PAIP2B: variants seen among roughly 807,000 people sequenced by gnomAD.
PAIP2B encodes polyadenylate-binding protein-interacting protein 2B.
In PAIP2B, 13 loss-of-function variants were observed where a neutral mutation model predicts 17.0. The observed-to-expected ratio is 0.76, with a 90% CI of 0.50 to 1.22. The LOEUF (loss-of-function observed/expected upper bound fraction) is 1.22. Among genes scored for constraint, PAIP2B ranks in the 50% most tolerant of loss-of-function variants. The pLI, the probability that PAIP2B is intolerant of heterozygous loss-of-function variation, is 0.00. For synonymous variants in PAIP2B, 43 were observed against 48.7 expected (o/e 0.88, Z 0.48); for missense variants, 117 against 144.5 (o/e 0.81, Z 0.98).
At chr2:71,208,643 T>A (rs555040684) in intron 1 of PAIP2B, among the ~76,000 whole-genome samples, 3 of 152,204 alleles carry the variant, frequency 2.0e-5, no homozygotes, top group African/African-American at 7.2e-5. Flanking sequence ...GGCTACCTTA[T>A]TTGGAAAAAA....
intron 1 of PAIP2B, among the ~76,000 whole-genome samples, chr2:71,221,542 T>C (rs1478148391): frequency 6.6e-6 from 1 of 152,230 alleles, no homozygotes; most frequent in Admixed American, 6.5e-5. Context: ...AACCACACTA[T>C]AATACTAAAT....
chr2:71,225,109 T>C (rs1675686281), intron 1 of PAIP2B, among the ~76,000 whole-genome samples: 1 of 152,114 alleles, frequency 6.6e-6, no homozygotes, highest in Non-Finnish European at 1.5e-5. Context: ...AGGCTTGTCT[T>C]AAACTCCTAG....
In PAIP2B at chr2:71,185,114, C is replaced by CT. The variant is rs1159922378; in HGVS notation, c.*3364dup. ...TTACTTTGGCAGCCTCTTCACACAA[C>CT]TTTCCTCTCTAACACGTGTTAATTA... On this transcript the variant is annotated 3_prime_UTR_variant, in exon 4 of 4. Transcript: ENST00000244221. 1.1e-4 allele frequency: 17 copies of CT among 152,322 alleles called. No homozygotes were observed. In the East Asian group the frequency reaches 3.1e-3, roughly 28 times the overall value. The allele number at this position is 152,322 out of a possible 1,614,324, so 9.4% of individuals were successfully genotyped here. A position where few individuals can be genotyped will look rare whatever the true frequency, so the allele number is the denominator to read the frequency against.
At chr2:71,217,265 C>G (rs1675450661) in intron 1 of PAIP2B, among the ~76,000 whole-genome samples, 1 of 152,326 alleles carries the variant, frequency 6.6e-6, no homozygotes, top group South Asian at 2.1e-4. Context: ...TCCCGAGTAG[C>G]TGGGATTACA....
intron 1 of PAIP2B, among the ~76,000 whole-genome samples, chr2:71,224,038 T>C (rs527334238): frequency 6.1e-4 from 93 of 152,286 alleles, no homozygotes; most frequent in African/African-American, 2.2e-3. Context: ...CACATAGTAG[T>C]GAAAAATATG....
At chr2:71,226,528 C>G (rs1009001017) in intron 1 of PAIP2B, among the ~76,000 whole-genome samples, 1 of 152,076 alleles carries the variant, frequency 6.6e-6, no homozygotes, top group Non-Finnish European at 1.5e-5. Context: ...GGGAGAGGGG[C>G]GGGGGATGCC....
chr2:71,225,379 A>T (rs982230046), intron 1 of PAIP2B, among the ~76,000 whole-genome samples: 1 of 152,168 alleles, frequency 6.6e-6, no homozygotes, highest in Non-Finnish European at 1.5e-5. Context: ...AAGCAATATA[A>T]TTTTTTCCAC....
At chr2:71,193,208 T>C (rs550260923) in intron 2 of PAIP2B, among the ~76,000 whole-genome samples, 48 of 152,364 alleles carry the variant, frequency 3.2e-4, no homozygotes, top group African/African-American at 1.2e-3. Flanking sequence ...TTGAGCTTTT[T>C]TTCATATGCT....
Position 71,186,959 on chromosome 2 carries a change from C to T in PAIP2B, c.*1520G>A, listed in dbSNP as rs892735294. On this transcript the variant is annotated 3_prime_UTR_variant, in exon 4 of 4. Coordinates refer to ENST00000244221, the MANE Select transcript of PAIP2B (RefSeq NM_020459.1). Reference sequence around the variant, plus strand: ...TTCTTCAGCTTTCCATACCCTAGTCCTTTCCTTCCAACCTCTGTCCCACAG... The same window carrying T: ...TTCTTCAGCTTTCCATACCCTAGTCTTTTCCTTCCAACCTCTGTCCCACAG... 2 of 152,360 alleles carry T rather than the reference C, an allele frequency of 1.3e-5. No homozygotes were observed. Among genetic ancestry groups the T allele is most frequent in the African/African-American group, 4.8e-5 (2 of 41,578 alleles). The allele number at this position is 152,360 out of a possible 1,614,324, so 9.4% of individuals were successfully genotyped here. A position where few individuals can be genotyped will look rare whatever the true frequency, so the allele number is the denominator to read the frequency against.
rs1243809892 is a variant in PAIP2B, at chr2:71,223,670, C to T, written c.-12+3258G>A. The stretch of plus-strand genomic sequence containing the variant: ...GACAGGTTGGTATTGAACTCCTGAC[C>T]TCGTGATCCACCTGCCTCAGCCTCC... On this transcript the variant is annotated intron_variant, in intron 1 of 3. Transcript: ENST00000244221. Among the ~76,000 whole-genome samples, 9 of 152,152 alleles carry T rather than the reference C, an allele frequency of 5.9e-5. No homozygotes were observed. The East Asian group carries it at 1.8e-3, about 30-fold the overall frequency.
intron 1 of PAIP2B, among the ~76,000 whole-genome samples, chr2:71,208,280 T>C (rs1363464146): frequency 6.6e-6 from 1 of 151,908 alleles, no homozygotes; most frequent in African/African-American, 2.4e-5. Flanking sequence ...AAAAATTAGC[T>C]GAATGTGGTG....
chr2:71,206,609 A>G (rs1010371389), intron 1 of PAIP2B, among the ~76,000 whole-genome samples: 1 of 152,206 alleles, frequency 6.6e-6, no homozygotes, highest in Non-Finnish European at 1.5e-5. Context: ...TGTATCTAGG[A>G]TATTTCAAGG....
Position 71,187,999 on chromosome 2 carries a change from G to C in PAIP2B, c.*480C>G, listed in dbSNP as rs1055878636. 8 of 156,946 alleles carry C rather than the reference G, an allele frequency of 5.1e-5. No homozygotes were observed. The highest frequency in any genetic ancestry group is 1.9e-4 in the African/African-American group (8 of 41,432). The allele number at this position is 156,946 out of a possible 1,614,324, so 9.7% of individuals were successfully genotyped here. ...GAGACCCCGGGGGTGGGGCAGCTGA[G>C]CCTCAAATTCCAGTTTGCACCACCT... On this transcript the variant is annotated 3_prime_UTR_variant, in exon 4 of 4. Transcript: ENST00000244221.
rs139663393 is a variant in PAIP2B at position 71,200,095 on chromosome 2, T to C, written c.138+2357A>G. ...TGAATGTCACTCCGAGTTTGGGGGG[T>C]TGTAAGCTGTTTTCATCTTATTCTA... On this transcript the variant is annotated intron_variant, in intron 2 of 3. Coordinates refer to ENST00000244221, the MANE Select transcript of PAIP2B (RefSeq NM_020459.1). 5.2e-4 allele frequency among the ~76,000 whole-genome samples: 79 copies of C among 152,222 alleles called. No homozygotes were observed. In the East Asian group the frequency reaches 0.014, roughly 26 times the overall value.
intron 1 of PAIP2B, among the ~76,000 whole-genome samples, chr2:71,220,024 TAC>T (rs1375346838): frequency 2.6e-5 from 4 of 152,220 alleles, no homozygotes; most frequent in Non-Finnish European, 4.4e-5. Flanking sequence ...TCTTTACAAC[TAC>T]ACAGTATTCC....
chr2:71,203,673 T>G (rs958016764), intron 1 of PAIP2B, among the ~76,000 whole-genome samples: 47 of 151,908 alleles, frequency 3.1e-4, no homozygotes, highest in Admixed American at 2.3e-3. Flanking sequence ...TATTGGGGTA[T>G]ATATCTTTTC....
chr2:71,206,735 C>T (rs997827708), intron 1 of PAIP2B, among the ~76,000 whole-genome samples: 2 of 152,166 alleles, frequency 1.3e-5, no homozygotes, highest in African/African-American at 4.8e-5. Context: ...AGTTACATAC[C>T]TGCAATGTGC....
At chr2:71,224,932 G>A (rs1675683137) in intron 1 of PAIP2B, among the ~76,000 whole-genome samples, 1 of 152,202 alleles carries the variant, frequency 6.6e-6, no homozygotes, top group African/African-American at 2.4e-5. Context: ...TTACAGATTT[G>A]CAATTTGTCC....
At chr2:71,208,227 C>G (rs1435703109) in intron 1 of PAIP2B, among the ~76,000 whole-genome samples, 2 of 152,058 alleles carry the variant, frequency 1.3e-5, no homozygotes, top group Non-Finnish European at 2.9e-5. Flanking sequence ...AGTTCGAGAC[C>G]AGCCTGGCCA....
Sources: allele counts gnomAD v4.1 joint callset (sites outside exome capture counted in the v4.1 genomes callset), GRCh38; gene constraint gnomAD v4.1.1; transcripts MANE v1.5; gene names NCBI Gene and HGNC (gene_info 2026-07-23, HGNC 2026-07-21).